The following PAQR5 variants were observed in gnomAD, a reference collection of about 807,000 sequenced individuals.
PAQR5 encodes progestin and adipoQ receptor family member 5.
Under a neutral mutation model 34.5 loss-of-function variants are expected in PAQR5, and 20 were observed. The ratio of observed to expected loss-of-function variants is 0.58; its 90% CI spans 0.41 to 0.84. PAQR5 has a LOEUF of 0.84. Among genes scored for constraint, PAQR5 ranks in the 40% least tolerant of loss-of-function variants. PAQR5 has a pLI of 0.00. For synonymous variants in PAQR5, 131 were observed against 155.6 expected (o/e 0.84, Z 1.18); for missense variants, 378 against 412.7 (o/e 0.92, Z 0.73).
intron 1 of PAQR5, among the ~76,000 whole-genome samples, chr15:69,307,311 C>T (rs1051584689): frequency 6.6e-6 from 1 of 152,192 alleles, no homozygotes; most frequent in Non-Finnish European, 1.5e-5. Flanking sequence ...CCTGCTCTCA[C>T]TTCCTTTGGA....
intron 3 of PAQR5, among the ~76,000 whole-genome samples, chr15:69,371,799 C>G (rs1256868918): frequency 6.6e-6 from 1 of 152,108 alleles, no homozygotes; most frequent in Non-Finnish European, 1.5e-5. Context: ...AATGGAATAG[C>G]CAAACCTAGA....
chr15:69,379,847 G>A, intron 3 of PAQR5, 36 bp from the exon 4 acceptor site: 1 of 1,606,482 alleles, frequency 6.2e-7, no homozygotes. Context: ...CCACCCTCTG[G>A]TCTCACCTCA....
rs1244539272 is a variant in PAQR5 at position 69,315,622 on chromosome 15, G to A, written c.-277+16566G>A. On this transcript the variant is annotated intron_variant, in intron 1 of 8. Transcript: ENST00000395407. The stretch of plus-strand genomic sequence containing the variant: ...GAAATGCAAGGACCTATCTCCAAGT[G>A]TGTTTCACCTTGACTGGCACTTTCC... Among the ~76,000 whole-genome samples the A allele has an allele frequency of 3.9e-5, 6 of 152,326 alleles. No homozygotes were observed. The South Asian group carries it at 1.0e-3, about 26-fold the overall frequency.
intron 1 of PAQR5, among the ~76,000 whole-genome samples, chr15:69,303,873 C>T (rs1464847333): frequency 1.3e-5 from 2 of 152,188 alleles, no homozygotes; most frequent in Non-Finnish European, 2.9e-5. Context: ...CCATGGGGAG[C>T]TTTGGCTTTT....
intron 1 of PAQR5, among the ~76,000 whole-genome samples, chr15:69,312,217 A>G (rs2053848436): frequency 6.6e-6 from 1 of 152,158 alleles, no homozygotes; most frequent in South Asian, 2.1e-4. Flanking sequence ...TAGAGGAGGC[A>G]GGGGCGAGAG....
intron 1 of PAQR5, among the ~76,000 whole-genome samples, chr15:69,306,153 A>G (rs1211763342): frequency 1.3e-5 from 2 of 151,750 alleles, no homozygotes; most frequent in South Asian, 2.1e-4. Flanking sequence ...GAATGCATGG[A>G]GTGGGGTGTG....
At chr15:69,345,121 GAGAA>G (rs1275832524) in intron 2 of PAQR5, among the ~76,000 whole-genome samples, 1 of 149,544 alleles carries the variant, frequency 6.7e-6, no homozygotes, top group Non-Finnish European at 1.5e-5. Flanking sequence ...AAAAAGAAAA[GAGAA>G]AGAAGAAAGG....
rs2056626438 is a variant in PAQR5 at position 69,401,538 on chromosome 15, G to A, written c.751+1423G>A. 3.9e-5 allele frequency among the ~76,000 whole-genome samples: 6 copies of A among 152,220 alleles called. 1 individual carries two copies. In the South Asian group the frequency reaches 1.2e-3, roughly 32 times the overall value. ...CCCGCTTAATGAAGTAGAGGTGGCT[G>A]TGTAGCAAGTTTTGGGGTTGCAGGA... On this transcript the variant is annotated intron_variant, in intron 8 of 8. Coordinates refer to ENST00000395407, the MANE Select transcript of PAQR5 (RefSeq NM_017705.4).
intron 1 of PAQR5, among the ~76,000 whole-genome samples, chr15:69,320,463 G>T (rs2054068333): frequency 6.6e-6 from 1 of 152,142 alleles, no homozygotes; most frequent in Non-Finnish European, 1.5e-5. Flanking sequence ...TCCCCTTCCA[G>T]CTCTGACAAT....
At chr15:69,341,011 A>G (rs1174898114) in intron 2 of PAQR5, among the ~76,000 whole-genome samples, 3 of 152,226 alleles carry the variant, frequency 2.0e-5, no homozygotes, top group Admixed American at 1.3e-4. Flanking sequence ...GTGGTAAAAT[A>G]TACGTAACAT....
intron 1 of PAQR5, among the ~76,000 whole-genome samples, chr15:69,321,805 A>G (rs2054102444): frequency 6.6e-6 from 1 of 152,160 alleles, no homozygotes; most frequent in African/African-American, 2.4e-5. Context: ...CTCAGCAAAC[A>G]TTCATTCATT....
At chr15:69,330,740 T>C (rs999779497) in intron 1 of PAQR5, among the ~76,000 whole-genome samples, 9 of 152,216 alleles carry the variant, frequency 5.9e-5, no homozygotes, top group African/African-American at 2.2e-4. Flanking sequence ...GGGAGACTTA[T>C]TTGAGTAATG....
intron 2 of PAQR5, among the ~76,000 whole-genome samples, chr15:69,344,382 C>T (rs979153580): frequency 1.3e-5 from 2 of 152,152 alleles, no homozygotes; most frequent in East Asian, 3.9e-4. Flanking sequence ...ACTCATTTCT[C>T]CAAAGAAACA....
At chr15:69,364,990 C>G (rs955526185) in intron 3 of PAQR5, among the ~76,000 whole-genome samples, 1 of 152,032 alleles carries the variant, frequency 6.6e-6, no homozygotes, top group African/African-American at 2.4e-5. Context: ...CCTGCCTTGG[C>G]CTCCCAAAGT....
intron 1 of PAQR5, among the ~76,000 whole-genome samples, chr15:69,302,571 T>C (rs11638401): frequency 0.46 from 70,227 of 152,006 alleles, 19,050 homozygotes; most frequent in Middle Eastern, 0.62. Flanking sequence ...CTGAGGATGC[T>C]GCCCACCTTG....
chr15:69,311,038 C>CAAA (rs760679672), intron 1 of PAQR5, among the ~76,000 whole-genome samples: 563 of 36,098 alleles, frequency 0.016, 90 homozygotes, highest in African/African-American at 0.025. Flanking sequence ...GACTCCGTCG[C>CAAA]AAAAAATAAA....
At chr15:69,399,820 G>A (rs966027321) in intron 7 of PAQR5, among the ~76,000 whole-genome samples, 154 bp from the exon 8 acceptor site, 1 of 152,216 alleles carries the variant, frequency 6.6e-6, no homozygotes, top group African/African-American at 2.4e-5. Context: ...ACAGACCTGA[G>A]GAGGTGAGGG....
At position 69,352,602 on chromosome 15, in the gene PAQR5, G is replaced by C. The variant is rs569667751; in HGVS notation, c.-115-7364G>C. Among the ~76,000 whole-genome samples the C allele has an allele frequency of 2.6e-5, 4 of 152,348 alleles. No homozygotes were observed. In the South Asian group the frequency reaches 8.3e-4, roughly 32 times the overall value. ...GGGCCTGCCGTCCAGATGGATCTGC[G>C]TGATATGCAGGCTACCTGAAAATGG... is the stretch of plus-strand genomic sequence containing the variant. On this transcript the variant is annotated intron_variant, in intron 2 of 8. Coordinates refer to ENST00000395407, the MANE Select transcript of PAQR5 (RefSeq NM_017705.4).
intron 1 of PAQR5, among the ~76,000 whole-genome samples, chr15:69,311,048 A>C (rs2053824109): frequency 6.7e-6 from 1 of 149,498 alleles, no homozygotes; most frequent in African/African-American, 2.5e-5. Flanking sequence ...CAAAAAATAA[A>C]AAAAAAAAAA....
Sources: gnomAD v4.1 joint callset for allele counts (sites outside exome capture counted in the v4.1 genomes callset) on GRCh38, gnomAD v4.1.1 for gene constraint, MANE v1.5 for transcripts, NCBI Gene and HGNC (gene_info 2026-07-23, HGNC 2026-07-21) for gene names.